The following ANKRD17 variants were observed in gnomAD, a reference collection of about 807,000 sequenced individuals.
ANKRD17 encodes ankyrin repeat domain 17, also known as ankyrin repeat domain-containing protein 17.
A neutral mutation model predicts 229.7 loss-of-function variants in ANKRD17; 19 were observed. That is an observed-to-expected ratio of 0.08 (90% CI 0.06 to 0.12). The LOEUF (loss-of-function observed/expected upper bound fraction) is 0.12, where lower values mean the gene tolerates loss of function less well. Ranked by LOEUF, ANKRD17 falls within the 10% of genes least tolerant of loss-of-function variation. The pLI is 1.00. For synonymous variants in ANKRD17, 1,112 were observed against 1,146.1 expected (o/e 0.97, Z 0.60); for missense variants, 2,176 against 3,176.8 (o/e 0.68, Z 7.57).
At chr4:73,147,583 G>A (rs1385270619) in intron 8 of ANKRD17, 151 bp from the exon 9 acceptor site, 2 of 606,792 alleles carry the variant, frequency 3.3e-6, no homozygotes, top group African/African-American at 1.9e-5. Context: ...AACTCCTAAG[G>A]CAGTTAAAAC....
rs776581159 is a variant in ANKRD17, at chr4:73,177,580, G to A, written c.394-47C>T. 134 of 1,430,906 alleles carry A rather than the reference G, an allele frequency of 9.4e-5. No homozygotes were observed. In the Admixed American group the frequency reaches 1.0e-3, roughly 11 times the overall value. The allele number at this position is 1,430,906 out of a possible 1,614,324, so 88.6% of individuals were successfully genotyped here. ...AGGGAGGAAGGGAGAAATGAACAGC[G>A]AAAGGAAAAGAGGGGAGAGAAATAA... On this transcript the variant is annotated intron_variant, in intron 1 of 33. Coordinates refer to ENST00000358602, the MANE Select transcript of ANKRD17 (RefSeq NM_032217.5).
rs1720894762 is a variant in ANKRD17, at chr4:73,074,654, A to C, written c.*1577T>G. The C allele has an allele frequency of 6.6e-6, 1 of 151,906 alleles. No individual in the cohort carries two copies. The highest frequency in any genetic ancestry group is 2.1e-4 in the South Asian group (1 of 4,830). 9.4% of individuals were successfully genotyped at this position (151,906 alleles called of 1,614,324 possible). A position where few individuals can be genotyped will look rare whatever the true frequency, so the allele number is the denominator to read the frequency against. On this transcript the variant is annotated 3_prime_UTR_variant, in exon 34 of 34. Transcript: ENST00000358602. ...TTACTCAGATGGAAGAAATCATTTG[A>C]TTTACTTGACAACCAAGGAACCATG...
In ANKRD17 at chr4:73,074,987, G is replaced by A. The variant is rs1237053663; in HGVS notation, c.*1244C>T. On this transcript the variant is annotated 3_prime_UTR_variant, in exon 34 of 34. Transcript: ENST00000358602. ...ACAGGTTAAATGGAGACTTTACACT[G>A]TAATCTGTGTATTTATCTGTCTACC... 6.6e-6 allele frequency: 1 copy of A among 152,410 alleles called. No homozygotes were observed. Among genetic ancestry groups the A allele is most frequent in the African/African-American group, 2.4e-5 (1 of 41,410 alleles). 9.4% of individuals were successfully genotyped at this position (152,410 alleles called of 1,614,324 possible). A position where few individuals can be genotyped will look rare whatever the true frequency, so the allele number is the denominator to read the frequency against.
chr4:73,142,570 G>A (rs1729747575), intron 12 of ANKRD17, 70 bp downstream of exon 12: 3 of 1,608,966 alleles, frequency 1.9e-6, no homozygotes, highest in Admixed American at 3.4e-5. Context: ...ACTTGTACAT[G>A]ATATGTTGTA....
chr4:73,231,618 C>T (rs1484076760), intron 1 of ANKRD17, among the ~76,000 whole-genome samples: 1 of 152,196 alleles, frequency 6.6e-6, no homozygotes, highest in Non-Finnish European at 1.5e-5. Flanking sequence ...TCCTGGCATA[C>T]ACTCCTATAA....
Position 73,140,010 on chromosome 4 carries a change from A to T in ANKRD17, c.2606T>A (p.Leu869Gln). 1.2e-6 allele frequency: 2 copies of T among 1,614,132 alleles called. No individual in the cohort carries two copies. The highest frequency in any genetic ancestry group is 1.7e-6 in the Non-Finnish European group (2 of 1,180,024). Reference protein sequence around the residue: ...IQKKQKILEELQKVERELQLK... With the variant: ...IQKKQKILEEQQKVERELQLK... Reference sequence around the variant, plus strand: ...TTGTAACTCTCGTTCTACTTTCTGTAGTTCCTCCAAAATCTTTTGTTTCTT... The same window carrying T: ...TTGTAACTCTCGTTCTACTTTCTGTTGTTCCTCCAAAATCTTTTGTTTCTT... Residue 869 changes from leucine (L) to glutamine (Q), a missense_variant, in exon 15 of 34, where the codon CTA becomes CAA. Physicochemically the swap from Leu to Gln is moderately radical, Grantham distance 113. This residue lies in a region of ANKRD17 where 7 missense variants were observed against 21.9 expected (regional missense o/e 0.32). Transcript: ENST00000358602.
chr4:73,117,136 C>G (rs1726070619), intron 22 of ANKRD17, among the ~76,000 whole-genome samples: 1 of 152,070 alleles, frequency 6.6e-6, no homozygotes, highest in Non-Finnish European at 1.5e-5. Flanking sequence ...GATTAGAGAT[C>G]TCGATGTGAA....
intron 2 of ANKRD17, among the ~76,000 whole-genome samples, chr4:73,165,589 C>T (rs1045411952): frequency 6.6e-6 from 1 of 152,146 alleles, no homozygotes; most frequent in Non-Finnish European, 1.5e-5. Context: ...CATCCTACAA[C>T]CTTGGGACTG....
chr4:73,085,555 TA>T (rs1577997015), intron 29 of ANKRD17, 109 bp from the exon 30 acceptor site: 4 of 1,007,132 alleles, frequency 4.0e-6, no homozygotes, highest in Non-Finnish European at 1.4e-6. Context: ...TTTAGATAAT[TA>T]AAAAAATCCC....
intron 1 of ANKRD17, among the ~76,000 whole-genome samples, chr4:73,191,020 T>A (rs985702656): frequency 4.6e-5 from 7 of 152,116 alleles, no homozygotes; most frequent in South Asian, 2.1e-4. Context: ...GCACTTCCAA[T>A]CAAAATCCCA....
chr4:73,143,946 G>A (rs1729918842), intron 11 of ANKRD17, among the ~76,000 whole-genome samples: 1 of 152,056 alleles, frequency 6.6e-6, no homozygotes. Flanking sequence ...TCACTGTGTT[G>A]TCCAGGCTAG....
At chr4:73,256,466 A>G (rs1202824242) in intron 1 of ANKRD17, among the ~76,000 whole-genome samples, 1 of 152,162 alleles carries the variant, frequency 6.6e-6, no homozygotes, top group African/African-American at 2.4e-5. Flanking sequence ...TTCAGTAACT[A>G]TTTTTCTGAA....
Position 73,093,845 on chromosome 4 carries a change from C to A in ANKRD17, c.5327+234G>T, listed in dbSNP as rs560354668. Among the ~76,000 whole-genome samples the A allele has an allele frequency of 3.7e-4, 57 of 152,258 alleles. No individual in the cohort carries two copies. The South Asian group carries it at 0.011, about 30-fold the overall frequency. On this transcript the variant is annotated intron_variant, in intron 28 of 33. Transcript: ENST00000358602. ...TATGTACAGAAATTATTTATTTAAACCTTTGCTACACATGCATACAAATTC... is the reference window on the plus strand; with the variant it reads ...TATGTACAGAAATTATTTATTTAAAACTTTGCTACACATGCATACAAATTC...
In ANKRD17 at chr4:73,142,154, A is replaced by G. The variant is rs1729696668; in HGVS notation, c.2229+88T>C. The G allele has an allele frequency of 2.9e-6, 4 of 1,364,096 alleles. No homozygotes were observed. In the Admixed American group the frequency reaches 1.2e-4, roughly 40 times the overall value. 84.5% of individuals were successfully genotyped at this position (1,364,096 alleles called of 1,614,324 possible). On this transcript the variant is annotated intron_variant, in intron 13 of 33. Coordinates refer to ENST00000358602, the MANE Select transcript of ANKRD17 (RefSeq NM_032217.5). ...AACAGAACTACATATTAGAACAAAA[A>G]AAAACCCTAATTTAAACAGAAACTG...
intron 1 of ANKRD17, among the ~76,000 whole-genome samples, chr4:73,188,155 T>C (rs1223986483): frequency 6.6e-6 from 1 of 151,436 alleles, no homozygotes; most frequent in Non-Finnish European, 1.5e-5. Context: ...AACTTAGCTA[T>C]AAGATGACGA....
intron 20 of ANKRD17, 150 bp from the exon 21 acceptor site, chr4:73,120,487 G>C (rs1726573905): frequency 1.4e-5 from 9 of 646,534 alleles, no homozygotes; most frequent in Non-Finnish European, 2.3e-5. Context: ...TAGCTCCTTT[G>C]AGTTAGTCTG....
chr4:73,106,790 A>G (rs1274065415), intron 24 of ANKRD17, among the ~76,000 whole-genome samples: 1 of 148,636 alleles, frequency 6.7e-6, no homozygotes, highest in Admixed American at 6.7e-5. Flanking sequence ...GAGGCAGGAG[A>G]ATCGCTTGAA....
At chr4:73,081,214 G>A (rs969843727) in intron 30 of ANKRD17, among the ~76,000 whole-genome samples, 22 of 152,202 alleles carry the variant, frequency 1.4e-4, no homozygotes, top group Admixed American at 1.4e-3. Context: ...GGGAATTAAA[G>A]GGTTAACTGG....
intron 29 of ANKRD17, among the ~76,000 whole-genome samples, chr4:73,086,558 A>AG (rs1350200681): frequency 5.9e-5 from 9 of 151,966 alleles, no homozygotes; most frequent in African/African-American, 2.2e-4. Flanking sequence ...TTAAAAATAC[A>AG]GAAAAAAAAG....
Sources: allele counts gnomAD v4.1 joint callset (sites outside exome capture counted in the v4.1 genomes callset), GRCh38; gene constraint gnomAD v4.1.1; regional missense constraint gnomAD v4.1.1; transcripts MANE v1.5; gene names NCBI Gene and HGNC (gene_info 2026-07-23, HGNC 2026-07-21).